Variants in PLCL2 observed in about 807,000 individuals in gnomAD.
PLCL2 encodes inactive phospholipase C-like protein 2.
Under a neutral mutation model 79.6 loss-of-function variants are expected in PLCL2, and 4 were observed. The ratio of observed to expected loss-of-function variants is 0.05; its 90% CI spans 0.02 to 0.11. The LOEUF is 0.11. PLCL2 is among the 10% of genes least tolerant of loss of function. PLCL2 has a pLI of 1.00. For synonymous variants in PLCL2, 484 were observed against 457.7 expected (o/e 1.06, Z -0.73); for missense variants, 895 against 1,291.0 (o/e 0.69, Z 4.70).
At chr3:16,924,931 G>GT (rs1553635392) in intron 1 of PLCL2, among the ~76,000 whole-genome samples, 58 of 148,586 alleles carry the variant, frequency 3.9e-4, no homozygotes, top group East Asian at 7.9e-4. Context: ...AAGTTTGTTT[G>GT]TTTTTTTTTT....
chr3:17,013,396 T>C (rs988239749), intron 2 of PLCL2, among the ~76,000 whole-genome samples: 5 of 152,200 alleles, frequency 3.3e-5, no homozygotes, highest in African/African-American at 1.2e-4. Flanking sequence ...TTAAGGGGCT[T>C]GCATGCTAGT....
chr3:17,017,718 A>G (rs947245003), intron 3 of PLCL2, among the ~76,000 whole-genome samples: 4 of 152,246 alleles, frequency 2.6e-5, no homozygotes, highest in African/African-American at 7.2e-5. Flanking sequence ...TGGCCAGTCT[A>G]CATGCCTAAA....
intron 3 of PLCL2, among the ~76,000 whole-genome samples, chr3:17,022,746 T>G (rs895081426): frequency 6.6e-6 from 1 of 152,186 alleles, no homozygotes. Context: ...CTAATTCTAG[T>G]TGAGCCTTTA....
chr3:16,900,995 CAA>C (rs1275608237), intron 1 of PLCL2, among the ~76,000 whole-genome samples: 1 of 152,116 alleles, frequency 6.6e-6, no homozygotes, highest in Non-Finnish European at 1.5e-5. Flanking sequence ...GTTGAGAAAC[CAA>C]AGAGTTGTTT....
At chr3:16,999,712 T>A (rs975254494) in intron 1 of PLCL2, among the ~76,000 whole-genome samples, 1 of 152,242 alleles carries the variant, frequency 6.6e-6, no homozygotes, top group Non-Finnish European at 1.5e-5. Flanking sequence ...TGAATTATTT[T>A]GTTCTACTCT....
At chr3:16,912,505 A>G in intron 1 of PLCL2, among the ~76,000 whole-genome samples, 1 of 152,226 alleles carries the variant, frequency 6.6e-6, no homozygotes, top group East Asian at 1.9e-4. Context: ...GCACTTTCAA[A>G]GATTTGAGTT....
intron 5 of PLCL2, among the ~76,000 whole-genome samples, chr3:17,084,361 A>G (rs1470066034): frequency 1.3e-5 from 2 of 152,222 alleles, no homozygotes; most frequent in African/African-American, 4.8e-5. Flanking sequence ...CATTTAAGAA[A>G]GAAATGATAC....
chr3:16,964,872 T>A (rs1475897055), intron 1 of PLCL2, among the ~76,000 whole-genome samples: 5 of 152,112 alleles, frequency 3.3e-5, no homozygotes, highest in Non-Finnish European at 7.4e-5. Context: ...GGGTTGTTTG[T>A]TTTTTTCTTG....
intron 5 of PLCL2, among the ~76,000 whole-genome samples, chr3:17,084,493 C>T (rs2065195926): frequency 6.6e-6 from 1 of 152,098 alleles, no homozygotes; most frequent in African/African-American, 2.4e-5. Flanking sequence ...AACAATAGAC[C>T]AGTATCTCTC....
chr3:17,046,604 A>T (rs2064782927), intron 4 of PLCL2, among the ~76,000 whole-genome samples: 1 of 152,238 alleles, frequency 6.6e-6, no homozygotes, highest in Admixed American at 6.5e-5. Context: ...AAATGCTTTT[A>T]ATCTCTACTC....
chr3:16,918,273 A>T (rs1697043823), intron 1 of PLCL2, among the ~76,000 whole-genome samples: 1 of 152,298 alleles, frequency 6.6e-6, no homozygotes, highest in Middle Eastern at 3.4e-3. Context: ...AACAATAGAT[A>T]GTTTTTGTGC....
chr3:17,024,387 T>G (rs1208911119), intron 3 of PLCL2, among the ~76,000 whole-genome samples: 1 of 152,182 alleles, frequency 6.6e-6, no homozygotes, highest in Non-Finnish European at 1.5e-5. Flanking sequence ...ATTGAATCTT[T>G]CCAGCATCAA....
At chr3:17,005,861 G>A (rs531096868) in intron 1 of PLCL2, among the ~76,000 whole-genome samples, 1 of 152,306 alleles carries the variant, frequency 6.6e-6, no homozygotes, top group East Asian at 1.9e-4. Flanking sequence ...TTCTAATAGA[G>A]TAGCAGAATT....
chr3:17,066,403 A>C (rs969305123), intron 4 of PLCL2, among the ~76,000 whole-genome samples: 1 of 152,232 alleles, frequency 6.6e-6, no homozygotes. Flanking sequence ...TGTGTTTATC[A>C]TATGTGTGTC....
At chr3:16,952,286 T>C (rs1003827943) in intron 1 of PLCL2, among the ~76,000 whole-genome samples, 1 of 136,918 alleles carries the variant, frequency 7.3e-6, no homozygotes, top group Non-Finnish European at 1.5e-5. Flanking sequence ...CCATGGCACA[T>C]GGATACCTAT....
rs1188435068 is a variant in PLCL2 at position 16,976,829 on chromosome 3, AGGGTGGCATTT to A, written c.328-32837_328-32827del. Among the ~76,000 whole-genome samples the A allele has an allele frequency of 6.6e-5, 10 of 152,282 alleles. No homozygotes were observed. The South Asian group carries it at 2.1e-3, about 32-fold the overall frequency. On this transcript the variant is annotated intron_variant, in intron 1 of 5. Coordinates refer to ENST00000615277, the MANE Select transcript of PLCL2 (RefSeq NM_001144382.2). ...TTTGAGTCTTCCATTGGCCCACACTAGGGTGGCATTTGGGTGGCTGACCTGTCATAGATCAC... is the reference window on the plus strand; with the variant it reads ...TTTGAGTCTTCCATTGGCCCACACTAGGGTGGCTGACCTGTCATAGATCAC...
intron 1 of PLCL2, among the ~76,000 whole-genome samples, chr3:16,999,030 G>C (rs1433120793): frequency 1.3e-5 from 2 of 152,096 alleles, no homozygotes; most frequent in Non-Finnish European, 2.9e-5. Context: ...TCATTTTTTA[G>C]ATAAAAATAT....
intron 4 of PLCL2, among the ~76,000 whole-genome samples, chr3:17,055,615 G>A (rs140801389): frequency 6.0e-4 from 92 of 152,280 alleles, no homozygotes; most frequent in African/African-American, 2.1e-3. Flanking sequence ...TTTTTCATAC[G>A]TGTGATCAGA....
At chr3:16,995,278 G>A (rs549661024) in intron 1 of PLCL2, among the ~76,000 whole-genome samples, 1 of 152,390 alleles carries the variant, frequency 6.6e-6, no homozygotes, top group East Asian at 1.9e-4. Context: ...GATTCTTAGT[G>A]TGGTAAAACA....
Sources: allele counts gnomAD v4.1 joint callset (sites outside exome capture counted in the v4.1 genomes callset), GRCh38; gene constraint gnomAD v4.1.1; transcripts MANE v1.5; gene names NCBI Gene and HGNC (gene_info 2026-07-23, HGNC 2026-07-21).